The following NDUFAF2 variants were observed in gnomAD, a reference collection of about 807,000 sequenced individuals.
NDUFAF2 encodes the protein NADH dehydrogenase [ubiquinone] 1 alpha subcomplex assembly factor 2.
A neutral mutation model predicts 22.8 loss-of-function variants in NDUFAF2; 13 were observed. The observed-to-expected ratio is 0.57, with a 90% CI of 0.37 to 0.91. The LOEUF (loss-of-function observed/expected upper bound fraction) is 0.91. Among genes scored for constraint, NDUFAF2 ranks in the 40% least tolerant of loss-of-function variants. The probability of loss-of-function intolerance (pLI) is 0.01; values close to 1 mark genes in which losing one functional copy is unlikely to be tolerated. For missense variants in NDUFAF2, 162 were observed against 195.2 expected, an observed-to-expected ratio of 0.83 and a Z score of 1.01; for synonymous variants, 53 against 64.2, an observed-to-expected ratio of 0.83 and a Z score of 0.84.
chr5:60,984,075 T>C (rs1751031878), intron 1 of NDUFAF2, among the ~76,000 whole-genome samples: 1 of 152,200 alleles, frequency 6.6e-6, no homozygotes, highest in Admixed American at 6.5e-5. Context: ...TTTTATTTCA[T>C]TGAGCAGTGG....
intron 3 of NDUFAF2, among the ~76,000 whole-genome samples, chr5:61,129,814 G>A (rs1051462302): frequency 4.6e-5 from 7 of 151,712 alleles, no homozygotes; most frequent in African/African-American, 1.7e-4. Context: ...GTACTTATAA[G>A]TAAAAAATAA....
intron 1 of NDUFAF2, among the ~76,000 whole-genome samples, chr5:60,957,149 A>G (rs1468388183): frequency 6.6e-6 from 1 of 152,070 alleles, no homozygotes; most frequent in Non-Finnish European, 1.5e-5. Flanking sequence ...TGTTTTATTT[A>G]TTTTTAATTA....
intron 1 of NDUFAF2, among the ~76,000 whole-genome samples, chr5:61,021,832 G>C (rs907286137): frequency 6.6e-6 from 1 of 152,178 alleles, no homozygotes; most frequent in South Asian, 2.1e-4. Flanking sequence ...CTTCTCTAGA[G>C]AAACAGAACC....
chr5:61,056,374 A>G (rs1308505740), intron 1 of NDUFAF2, among the ~76,000 whole-genome samples: 2 of 152,202 alleles, frequency 1.3e-5, no homozygotes, highest in African/African-American at 4.8e-5. Flanking sequence ...AAATTGCAAG[A>G]TTAATGGTCT....
chr5:61,020,547 A>G lies in NDUFAF2; in HGVS notation c.128-52578A>G, dbSNP rs889707132. Reference sequence around the variant, plus strand: ...TATTTTGAACTGTGTGGGTTTTGTTATGTGTGTGTGTGTGTGTGTGTGTGT... The same window carrying G: ...TATTTTGAACTGTGTGGGTTTTGTTGTGTGTGTGTGTGTGTGTGTGTGTGT... On this transcript the variant is annotated intron_variant, in intron 1 of 3. Transcript: ENST00000296597. Among the ~76,000 whole-genome samples, 28 of 148,040 alleles carry G rather than the reference A, an allele frequency of 1.9e-4. No individual in the cohort carries two copies. In the East Asian group the frequency reaches 2.8e-3, roughly 15 times the overall value.
At chr5:61,042,427 CTATG>C (rs1309846574) in intron 1 of NDUFAF2, among the ~76,000 whole-genome samples, 9 of 152,042 alleles carry the variant, frequency 5.9e-5, no homozygotes, top group Non-Finnish European at 1.2e-4. Flanking sequence ...TGAGGAAATT[CTATG>C]TATGTATGTA....
At chr5:61,121,170 G>T (rs2111798756) in intron 3 of NDUFAF2, among the ~76,000 whole-genome samples, 1 of 152,082 alleles carries the variant, frequency 6.6e-6, no homozygotes, top group South Asian at 2.1e-4. Context: ...ATGCCCATAT[G>T]TTAGTCCTAT....
chr5:61,008,008 T>A (rs1195756141), intron 1 of NDUFAF2, among the ~76,000 whole-genome samples: 4 of 152,030 alleles, frequency 2.6e-5, no homozygotes, highest in Non-Finnish European at 5.9e-5. Context: ...TGTAGGGACA[T>A]GCATGAAATT....
At chr5:60,957,084 T>A (rs1750626559) in intron 1 of NDUFAF2, among the ~76,000 whole-genome samples, 1 of 152,294 alleles carries the variant, frequency 6.6e-6, no homozygotes, top group East Asian at 1.9e-4. Flanking sequence ...CCTTTTGTGC[T>A]TCCTTTTTAA....
At chr5:60,985,697 G>C (rs1000258410) in intron 1 of NDUFAF2, among the ~76,000 whole-genome samples, 3 of 152,132 alleles carry the variant, frequency 2.0e-5, no homozygotes, top group Non-Finnish European at 2.9e-5. Flanking sequence ...CCATGTAGTT[G>C]AGTGGTTTTG....
chr5:60,989,894 T>C (rs1751135748), intron 1 of NDUFAF2, among the ~76,000 whole-genome samples: 1 of 151,994 alleles, frequency 6.6e-6, no homozygotes, highest in African/African-American at 2.4e-5. Flanking sequence ...TTCCTGAACC[T>C]AAAGTGAAAG....
intron 1 of NDUFAF2, among the ~76,000 whole-genome samples, chr5:60,984,994 G>A (rs1401547757): frequency 6.6e-6 from 1 of 152,106 alleles, no homozygotes; most frequent in African/African-American, 2.4e-5. Context: ...TGTACCTCTG[G>A]TAGAATTCGG....
At chr5:61,088,261 T>G (rs1043236736) in intron 2 of NDUFAF2, among the ~76,000 whole-genome samples, 3 of 152,066 alleles carry the variant, frequency 2.0e-5, no homozygotes, top group Non-Finnish European at 2.9e-5. Context: ...CACCATAATC[T>G]TATATAACGT....
chr5:60,971,032 T>A (rs1311156283), intron 1 of NDUFAF2, among the ~76,000 whole-genome samples: 1 of 152,068 alleles, frequency 6.6e-6, no homozygotes, highest in African/African-American at 2.4e-5. Context: ...ATTTATTGAA[T>A]AGTTATTTAT....
chr5:61,090,755 G>T (rs538580766), intron 2 of NDUFAF2, among the ~76,000 whole-genome samples: 14 of 152,016 alleles, frequency 9.2e-5, no homozygotes, highest in Non-Finnish European at 1.6e-4. Context: ...TGTGTCTGGA[G>T]ATTTTGATGT....
chr5:61,082,757 TA>T (rs1191026127), intron 2 of NDUFAF2, among the ~76,000 whole-genome samples: 1 of 152,196 alleles, frequency 6.6e-6, no homozygotes, highest in East Asian at 1.9e-4. Context: ...ACATTTTCTT[TA>T]TCCAGTCTAC....
intron 2 of NDUFAF2, among the ~76,000 whole-genome samples, chr5:61,074,510 C>T (rs955983819): frequency 3.9e-5 from 6 of 152,098 alleles, no homozygotes; most frequent in African/African-American, 1.4e-4. Flanking sequence ...TCACTTGAAC[C>T]CGGGGGGCAG....
At chr5:61,018,777 T>C (rs1210477599) in intron 1 of NDUFAF2, among the ~76,000 whole-genome samples, 1 of 152,092 alleles carries the variant, frequency 6.6e-6, no homozygotes, top group Non-Finnish European at 1.5e-5. Context: ...ATAAAAACAG[T>C]GACAGCAAAA....
intron 1 of NDUFAF2, among the ~76,000 whole-genome samples, chr5:60,985,245 C>T (rs1751056408): frequency 6.6e-6 from 1 of 152,100 alleles, no homozygotes; most frequent in East Asian, 1.9e-4. Flanking sequence ...GTGATATCCC[C>T]TTTATCATTT....
Sources: allele counts gnomAD v4.1 joint callset (sites outside exome capture counted in the v4.1 genomes callset), GRCh38; gene constraint gnomAD v4.1.1; transcripts MANE v1.5; gene names NCBI Gene and HGNC (gene_info 2026-07-23, HGNC 2026-07-21).